NXPE2: variants seen among roughly 807,000 people sequenced by gnomAD.
NXPE2 encodes the protein neurexophilin and PC-esterase domain family member 2.
Under a neutral mutation model 34.4 loss-of-function variants are expected in NXPE2, and 34 were observed. That is an observed-to-expected ratio of 0.99 (90% confidence interval 0.75 to 1.31). The LOEUF (loss-of-function observed/expected upper bound fraction) is 1.31, where lower values mean the gene tolerates loss of function less well. Ranked by LOEUF, NXPE2 falls within the 40% of genes most tolerant of loss-of-function variation. The pLI is 0.00. For missense variants in NXPE2, 649 were observed against 672.5 expected (o/e 0.97, Z 0.39); for synonymous variants, 235 against 231.3 (o/e 1.02, Z -0.15).
chr11:114,558,286 T>C, the NXPE2 span, among the ~76,000 whole-genome samples: 4 of 152,192 alleles, frequency 2.6e-5, no homozygotes, highest in East Asian at 7.7e-4. Context: ...CAAATATCTG[T>C]GGCTGATGTG....
the NXPE2 span, among the ~76,000 whole-genome samples, chr11:114,767,378 C>A: frequency 3.3e-5 from 5 of 152,144 alleles, no homozygotes; most frequent in Non-Finnish European, 7.4e-5. Flanking sequence ...CAAAAAAGAA[C>A]TCAATCCTAT....
chr11:114,740,538 CTA>C, the NXPE2 span, among the ~76,000 whole-genome samples: 1 of 151,998 alleles, frequency 6.6e-6, no homozygotes, highest in African/African-American at 2.4e-5. Flanking sequence ...TGAGCACTCT[CTA>C]TGCTTTTTTT....
chr11:114,474,228 C>T, the NXPE2 span, among the ~76,000 whole-genome samples: 4 of 151,876 alleles, frequency 2.6e-5, no homozygotes, highest in Admixed American at 6.6e-5. Flanking sequence ...TGGGTCCATC[C>T]GTATATGAAT....
chr11:114,596,488 G>A, the NXPE2 span, among the ~76,000 whole-genome samples: 1 of 152,110 alleles, frequency 6.6e-6, no homozygotes, highest in African/African-American at 2.4e-5. Context: ...CCAGTCTTAT[G>A]TTTTTAAAAA....
At chr11:114,482,542 A>G in the NXPE2 span, among the ~76,000 whole-genome samples, 1 of 152,144 alleles carries the variant, frequency 6.6e-6, no homozygotes, top group Non-Finnish European at 1.5e-5. Flanking sequence ...CAACATTTAC[A>G]TATCCTCTTT....
At chr11:114,619,110 T>C in the NXPE2 span, among the ~76,000 whole-genome samples, 1 of 151,822 alleles carries the variant, frequency 6.6e-6, no homozygotes, top group Non-Finnish European at 1.5e-5. Context: ...GCACTGTGGA[T>C]AATAAGTGTT....
the NXPE2 span, among the ~76,000 whole-genome samples, chr11:114,664,285 G>T: frequency 6.6e-6 from 1 of 152,036 alleles, no homozygotes; most frequent in Non-Finnish European, 1.5e-5. Flanking sequence ...TTCTGGAAAA[G>T]GCAAAACCAT....
At chr11:114,787,834 G>C in the NXPE2 span, among the ~76,000 whole-genome samples, 1 of 151,984 alleles carries the variant, frequency 6.6e-6, no homozygotes, top group Non-Finnish European at 1.5e-5. Context: ...CCCTCTGCCC[G>C]TGTCCATCCC....
the NXPE2 span, among the ~76,000 whole-genome samples, chr11:114,475,236 T>G: frequency 1.5e-4 from 8 of 53,438 alleles, no homozygotes; most frequent in African/African-American, 1.0e-3. Context: ...GTTTTTTTTT[T>G]TTTTTTTTTT....
chr11:114,578,495 G>C, the NXPE2 span, among the ~76,000 whole-genome samples: 1 of 152,114 alleles, frequency 6.6e-6, no homozygotes, highest in Non-Finnish European at 1.5e-5. Flanking sequence ...GTTTCCCTAG[G>C]AGTTTAGTCA....
At chr11:114,802,185 T>A in the NXPE2 span, among the ~76,000 whole-genome samples, 3 of 152,168 alleles carry the variant, frequency 2.0e-5, no homozygotes, top group Non-Finnish European at 2.9e-5. Flanking sequence ...CAAGAGTGGG[T>A]CTGACCTCAG....
At chr11:114,517,998 T>A in the NXPE2 span, 1 of 152,548 alleles carries the variant, frequency 6.6e-6, no homozygotes, top group Admixed American at 6.5e-5. Context: ...ACAAGGTGCG[T>A]AGGTGCCTGG....
chr11:114,797,670 A>G, the NXPE2 span, among the ~76,000 whole-genome samples: 10 of 152,170 alleles, frequency 6.6e-5, no homozygotes, highest in African/African-American at 2.2e-4. Flanking sequence ...GATGAAATCT[A>G]TTTGCTGTGC....
intron 2 of NXPE2, among the ~76,000 whole-genome samples, chr11:114,684,310 C>T (rs1173393997): frequency 6.6e-6 from 1 of 151,758 alleles, no homozygotes; most frequent in Non-Finnish European, 1.5e-5. Context: ...GCCTGTAGTC[C>T]CAGCTACTCG....
In NXPE2 at chr11:114,704,154, T is replaced by C. The variant is rs1421176876; in HGVS notation, c.928+102T>C. 8.3e-6 allele frequency: 7 copies of C among 842,516 alleles called. No individual in the cohort carries two copies. The East Asian group carries it at 1.9e-4, about 23-fold the overall frequency. 52.2% of individuals were successfully genotyped at this position (842,516 alleles called of 1,614,324 possible). A position where few individuals can be genotyped will look rare whatever the true frequency, so the allele number is the denominator to read the frequency against. ...TCCACATTAACGATTTGATCTCTCATTTCCTGGGACAAATTACATCAACCA... is the reference window on the plus strand; with the variant it reads ...TCCACATTAACGATTTGATCTCTCACTTCCTGGGACAAATTACATCAACCA... On this transcript the variant is annotated intron_variant, in intron 4 of 5. Coordinates refer to ENST00000389586, the MANE Select transcript of NXPE2 (RefSeq NM_182495.6).
intron 2 of NXPE2, among the ~76,000 whole-genome samples, chr11:114,693,193 A>G (rs184199594): frequency 3.3e-5 from 5 of 152,284 alleles, no homozygotes; most frequent in Admixed American, 1.3e-4. Context: ...CTCAGGTGAT[A>G]CAGGTAACCT....
At chr11:114,570,937 T>C in the NXPE2 span, 1 of 1,559,956 alleles carries the variant, frequency 6.4e-7, no homozygotes, top group Non-Finnish European at 8.7e-7. Context: ...TTTTGTGTTA[T>C]TTAACAAATA....
At chr11:114,685,206 G>T (rs1324620492) in intron 2 of NXPE2, among the ~76,000 whole-genome samples, 1 of 152,094 alleles carries the variant, frequency 6.6e-6, no homozygotes, top group Admixed American at 6.6e-5. Context: ...ATAAAACCCT[G>T]GTTTTAGTCC....
Position 114,706,984 on chromosome 11 carries a change from C to T in NXPE2, c.*54C>T, listed in dbSNP as rs1418410067. On this transcript the variant is annotated 3_prime_UTR_variant, in exon 6 of 6. Coordinates refer to ENST00000389586, the MANE Select transcript of NXPE2 (RefSeq NM_182495.6). ...CTTTCTATAGATGATCTCACATATA[C>T]AGCGAAGATAGTTTAATGCAATCCA... 17 of 1,363,596 alleles carry T rather than the reference C, an allele frequency of 1.2e-5. No individual in the cohort carries two copies. Among genetic ancestry groups the T allele is most frequent in the East Asian group, 2.5e-5 (1 of 39,878 alleles). 84.5% of individuals were successfully genotyped at this position (1,363,596 alleles called of 1,614,324 possible). A position where few individuals can be genotyped will look rare whatever the true frequency, so the allele number is the denominator to read the frequency against.
Sources: gnomAD v4.1 joint callset for allele counts (sites outside exome capture counted in the v4.1 genomes callset) on GRCh38, gnomAD v4.1.1 for gene constraint, MANE v1.5 for transcripts, NCBI Gene and HGNC (gene_info 2026-07-23, HGNC 2026-07-21) for gene names.